DCAF8L2: variants seen among roughly 807,000 people sequenced by gnomAD.
The protein encoded by DCAF8L2 is DDB1 and CUL4 associated factor 8 like 2, also known as DDB1- and CUL4-associated factor 8-like protein 2.
For synonymous variants in DCAF8L2, 200 were observed against 190.9 expected (o/e 1.05, Z -0.39); for missense variants, 430 against 490.7 (o/e 0.88, Z 1.17).
At chrX:27,675,438 A>G (rs1051585959) in intron 2 of DCAF8L2, among the ~76,000 whole-genome samples, 1 of 112,236 alleles carries the variant, frequency 8.9e-6, no homozygotes, top group Non-Finnish European at 1.9e-5. Flanking sequence ...GATTGTGAAA[A>G]TGCCGGACAA....
intron 1 of DCAF8L2, among the ~76,000 whole-genome samples, chrX:27,630,151 G>A (rs1308419528): frequency 9.0e-6 from 1 of 111,502 alleles, no homozygotes; most frequent in Non-Finnish European, 1.9e-5. Context: ...TGTTGATTTT[G>A]TAGTCTGCAA....
chrX:27,619,217 A>C (rs1264169509), intron 1 of DCAF8L2, among the ~76,000 whole-genome samples: 1 of 111,662 alleles, frequency 9.0e-6, no homozygotes, highest in Non-Finnish European at 1.9e-5. Context: ...AGATTTATTT[A>C]TTCCAGGTTA....
At chrX:27,740,059 C>A (rs980947586) in intron 4 of DCAF8L2, among the ~76,000 whole-genome samples, 4 of 111,323 alleles carry the variant, frequency 3.6e-5, no homozygotes. Context: ...CCTTCTATAC[C>A]TTTTGGCTTA....
chrX:27,533,160 GAGAGAGAAAGAAAGAA>G, the DCAF8L2 span, among the ~76,000 whole-genome samples: 223 of 41,486 alleles, frequency 5.4e-3, 1 homozygote, highest in African/African-American at 0.013. Context: ...GAGAGAGAGA[GAGAGAGAAAGAAAGAA>G]AGAAAGAAAG....
chrX:27,671,059 G>C (rs2147226156), intron 2 of DCAF8L2, among the ~76,000 whole-genome samples: 1 of 111,634 alleles, frequency 9.0e-6, no homozygotes, highest in South Asian at 3.8e-4. Context: ...CACTGGGGAG[G>C]GGGTGGTATG....
the DCAF8L2 span, among the ~76,000 whole-genome samples, chrX:27,559,220 T>C: frequency 9.0e-6 from 1 of 111,662 alleles, no homozygotes; most frequent in East Asian, 2.8e-4. Context: ...AAGGGACTAA[T>C]ACAGGCCCAA....
At chrX:27,715,366 C>CAAAA (rs35269496) in intron 3 of DCAF8L2, among the ~76,000 whole-genome samples, 1 of 56,980 alleles carries the variant, frequency 1.8e-5, no homozygotes, top group Non-Finnish European at 3.2e-5. Context: ...GACTCCGTCT[C>CAAAA]AAAAAAAAAA....
the DCAF8L2 span, among the ~76,000 whole-genome samples, chrX:27,578,356 A>T: frequency 2.2e-4 from 25 of 111,977 alleles, no homozygotes; most frequent in Non-Finnish European, 3.9e-4. Context: ...CTGGCTAGCC[A>T]TATGCAGAAA....
intron 1 of DCAF8L2, among the ~76,000 whole-genome samples, chrX:27,604,499 C>T (rs961190602): frequency 9.0e-6 from 1 of 111,221 alleles, no homozygotes. Flanking sequence ...ACATCTTCCA[C>T]CTTATTATAT....
At chrX:27,609,180 A>G (rs1363605334) in intron 1 of DCAF8L2, among the ~76,000 whole-genome samples, 1 of 111,953 alleles carries the variant, frequency 8.9e-6, no homozygotes, top group Non-Finnish European at 1.9e-5. Context: ...GAAACTAAAA[A>G]TTAACAGAAG....
chrX:27,617,060 T>A (rs1927514941), intron 1 of DCAF8L2, among the ~76,000 whole-genome samples: 1 of 111,356 alleles, frequency 9.0e-6, no homozygotes, highest in Admixed American at 9.6e-5. Flanking sequence ...TGGGTTAATA[T>A]CACTCCCTCC....
chrX:27,720,861 T>C, intron 4 of DCAF8L2, among the ~76,000 whole-genome samples: 1 of 111,882 alleles, frequency 8.9e-6, no homozygotes, highest in African/African-American at 3.2e-5. Context: ...AATTTGGTGT[T>C]CAGACCTTAC....
the DCAF8L2 span, among the ~76,000 whole-genome samples, chrX:27,492,286 C>T: frequency 8.9e-6 from 1 of 111,813 alleles, no homozygotes; most frequent in Non-Finnish European, 1.9e-5. Context: ...TATGGGCACA[C>T]CAACTTTTGT....
chrX:27,687,828 A>G (rs1447595355), intron 3 of DCAF8L2, among the ~76,000 whole-genome samples: 7 of 112,172 alleles, frequency 6.2e-5, no homozygotes, highest in Non-Finnish European at 1.1e-4. Context: ...CCTGTCTCTG[A>G]AAAGAATAAG....
At chrX:27,570,872 C>T in the DCAF8L2 span, among the ~76,000 whole-genome samples, 2 of 112,053 alleles carry the variant, frequency 1.8e-5, no homozygotes, top group Non-Finnish European at 3.8e-5. Flanking sequence ...TCCTCCCTCT[C>T]CTTTCAGTCT....
intron 3 of DCAF8L2, among the ~76,000 whole-genome samples, chrX:27,705,284 T>C (rs1243646414): frequency 1.8e-5 from 2 of 111,454 alleles, no homozygotes; most frequent in African/African-American, 3.3e-5. Flanking sequence ...AGTTTTTGTA[T>C]AGAAATATGT....
intron 3 of DCAF8L2, among the ~76,000 whole-genome samples, chrX:27,702,922 T>A (rs1255572189): frequency 9.0e-6 from 1 of 111,416 alleles, no homozygotes; most frequent in Non-Finnish European, 1.9e-5. Context: ...TATTTTCAGA[T>A]GACCTGACCT....
chrX:27,506,453 G>A, the DCAF8L2 span, among the ~76,000 whole-genome samples: 1 of 111,401 alleles, frequency 9.0e-6, no homozygotes, highest in African/African-American at 3.3e-5. Context: ...TAAATTTATC[G>A]TCTTAAAATT....
chrX:27,713,475 A>G (rs923767760), intron 3 of DCAF8L2, among the ~76,000 whole-genome samples: 1 of 111,830 alleles, frequency 8.9e-6, no homozygotes, highest in African/African-American at 3.3e-5. Context: ...AATAAGAGGC[A>G]GAAATACCTA....
Sources: gnomAD v4.1 joint callset for allele counts (sites outside exome capture counted in the v4.1 genomes callset) on GRCh38, gnomAD v4.1.1 for gene constraint, MANE v1.5 for transcripts, NCBI Gene and HGNC (gene_info 2026-07-23, HGNC 2026-07-21) for gene names.